The following GCKR variants were observed in gnomAD, a reference collection of about 807,000 sequenced individuals.
GCKR encodes glucokinase regulator, also known as glucokinase regulatory protein.
Under a neutral mutation model 82.9 loss-of-function variants are expected in GCKR, and 73 were observed. That is an observed-to-expected ratio of 0.88 (90% CI 0.73 to 1.07). The LOEUF is 1.07. Among genes scored for constraint, GCKR ranks in the 50% least tolerant of loss-of-function variants. The probability of loss-of-function intolerance (pLI) is 0.00; values close to 1 mark genes in which losing one functional copy is unlikely to be tolerated. For missense variants in GCKR, 784 were observed against 782.1 expected (o/e 1.00, Z -0.03); for synonymous variants, 294 against 291.8 (o/e 1.01, Z -0.08).
intron 17 of GCKR, 41 bp from the exon 18 acceptor site, chr2:27,522,419 T>G (rs1477698848): frequency 1.9e-6 from 3 of 1,610,822 alleles, no homozygotes; most frequent in Admixed American, 3.3e-5. Flanking sequence ...TTAGTTCCTC[T>G]GGCCTTTAGC....
rs1558433651 is a variant in GCKR, at chr2:27,499,398, TG to T, written c.499del (p.Ala167LeufsTer7). The T allele has an allele frequency of 6.2e-7, 1 of 1,610,930 alleles. No homozygotes were observed. Among genetic ancestry groups the T allele is most frequent in the Non-Finnish European group, 8.5e-7 (1 of 1,177,066 alleles). The stretch of plus-strand genomic sequence containing the variant: ...ACCTTGTCCATCCTCCTCTCCTAGG[TG>T]GCTGCCGGGAAGAAGAGAGTGATTG... ...ALHGIEELKK[V>X]AAGKKRVIVI... On this transcript the variant is annotated frameshift_variant and splice_region_variant, in exon 7 of 19. Coordinates refer to ENST00000264717, the MANE Select transcript of GCKR (RefSeq NM_001486.4). LOFTEE classifies it high-confidence loss of function.
At chr2:27,515,857 G>C (rs1316730341) in intron 16 of GCKR, among the ~76,000 whole-genome samples, 2 of 148,586 alleles carry the variant, frequency 1.3e-5, no homozygotes, top group Middle Eastern at 3.6e-3. Flanking sequence ...TCAAACTCCT[G>C]GGCTGAAGCA....
chr2:27,509,531 C>T (rs146426135), intron 16 of GCKR: 17 of 445,000 alleles, frequency 3.8e-5, no homozygotes, highest in East Asian at 2.1e-4. Flanking sequence ...TTGTAGAGAT[C>T]GGGTTTCTCC....
chr2:27,496,928 A>G lies in GCKR; in HGVS notation c.24A>G (p.Gln8=). 1 of 1,613,866 alleles carries G rather than the reference A, an allele frequency of 6.2e-7. No individual in the cohort carries two copies. Among genetic ancestry groups the G allele is most frequent in the African/African-American group, 1.3e-5 (1 of 75,036 alleles). MPGTKRF[Q]HVIETPEPGK... ...CCATGCCAGGCACAAAACGGTTTCA[A>G]CATGTCATTGAGACCCCGGAGCCTG... The change falls in exon 1 of 19, where the codon CAA becomes CAG. Residue 8 remains glutamine (Q), a synonymous_variant. Coordinates refer to ENST00000264717, the MANE Select transcript of GCKR (RefSeq NM_001486.4).
chr2:27,499,064 C>G (rs903590942), intron 5 of GCKR, 78 bp from the exon 6 acceptor site: 2 of 872,768 alleles, frequency 2.3e-6, no homozygotes, highest in African/African-American at 3.3e-5. Flanking sequence ...ATGCGCATCT[C>G]TTAATGTAGC....
rs201837546 is a variant in GCKR, at chr2:27,523,309, C to G, written c.1748C>G (p.Ser583Trp). The change falls in exon 19 of 19, where the codon TCG becomes TGG. Residue 583 changes from serine (S) to tryptophan (W), a missense_variant. Physicochemically the swap from Ser to Trp is radical, Grantham distance 177. Transcript: ENST00000264717. ...IALLSLLFRCSITEAQAHLAA... is the reference protein window; with the variant it reads ...IALLSLLFRCWITEAQAHLAA... ...TTGCTGAGCCTCCTATTCCGGTGCTCGATCACTGAGGCTCAGGCACACCTG... is the reference window on the plus strand; with the variant it reads ...TTGCTGAGCCTCCTATTCCGGTGCTGGATCACTGAGGCTCAGGCACACCTG... The G allele has an allele frequency of 6.2e-7, 1 of 1,613,064 alleles. No homozygotes were observed. The highest frequency in any genetic ancestry group is 1.7e-5 in the Admixed American group (1 of 60,018).
intron 16 of GCKR, among the ~76,000 whole-genome samples, chr2:27,510,078 C>T (rs529395543): frequency 3.8e-4 from 58 of 151,752 alleles, no homozygotes; most frequent in African/African-American, 1.3e-3. Flanking sequence ...GCGCGATCTC[C>T]GCTCACTGCA....
intron 17 of GCKR, among the ~76,000 whole-genome samples, chr2:27,521,114 C>T (rs962028697): frequency 3.3e-5 from 5 of 152,016 alleles, no homozygotes; most frequent in Admixed American, 2.6e-4. Context: ...GCAAAATACA[C>T]ACTGGATTTC....
chr2:27,504,778 T>C (rs553782538), intron 9 of GCKR, among the ~76,000 whole-genome samples: 1 of 152,250 alleles, frequency 6.6e-6, no homozygotes, highest in South Asian at 2.1e-4. Flanking sequence ...GGTATTTGGA[T>C]TGATAAACTA....
intron 16 of GCKR, among the ~76,000 whole-genome samples, chr2:27,515,225 A>G (rs1669974659): frequency 1.3e-5 from 2 of 148,696 alleles, no homozygotes; most frequent in African/African-American, 5.0e-5. Context: ...TGATCTGCCC[A>G]TGTCGGCCTC....
chr2:27,509,481 A>T, intron 16 of GCKR: 1 of 426,016 alleles, frequency 2.3e-6, no homozygotes, highest in Non-Finnish European at 4.8e-6. Flanking sequence ...GTAGGACCAC[A>T]GGCACTCACC....
intron 17 of GCKR, among the ~76,000 whole-genome samples, chr2:27,519,869 C>G (rs1442138446): frequency 1.3e-5 from 2 of 152,056 alleles, no homozygotes; most frequent in Non-Finnish European, 2.9e-5. Flanking sequence ...GGAGGTGAGC[C>G]TCAATCCAAC....
rs777100133 is a variant in GCKR at position 27,497,424 on chromosome 2, C to G, written c.216+25C>G. 7.4e-6 allele frequency: 12 copies of G among 1,613,654 alleles called. No homozygotes were observed. The East Asian group carries it at 2.2e-4, about 30-fold the overall frequency. ...GGTAACCAAGACCCAAGACCTGGAC[C>G]CTGGAAATAAACATGCCAACCCCAA... On this transcript the variant is annotated intron_variant, in intron 2 of 18. Coordinates refer to ENST00000264717, the MANE Select transcript of GCKR (RefSeq NM_001486.4).
intron 17 of GCKR, 26 bp downstream of exon 17, chr2:27,518,963 G>A: frequency 6.5e-7 from 1 of 1,546,656 alleles, no homozygotes; most frequent in Non-Finnish European, 8.9e-7. Flanking sequence ...GGCAGGGTTG[G>A]GTGGGACCTG....
At chr2:27,518,672 G>T in intron 16 of GCKR, 116 bp from the exon 17 acceptor site, 1 of 840,322 alleles carries the variant, frequency 1.2e-6, no homozygotes, top group South Asian at 1.3e-5. Context: ...AATCATGTTT[G>T]CATTTTGGTC....
chr2:27,508,361 C>A, intron 16 of GCKR, 110 bp downstream of exon 16: 1 of 783,298 alleles, frequency 1.3e-6, no homozygotes, highest in Non-Finnish European at 2.3e-6. Flanking sequence ...ACCTCTCTGA[C>A]CCTCACAAAG....
chr2:27,507,640 T>G (rs1286720527), intron 13 of GCKR, 41 bp from the exon 14 acceptor site: 1 of 1,042,658 alleles, frequency 9.6e-7, no homozygotes, highest in Admixed American at 1.7e-5. Flanking sequence ...TGCTTTAGAG[T>G]GTTTTCATGG....
chr2:27,505,552 C>A (rs1237378660), intron 9 of GCKR, among the ~76,000 whole-genome samples, 166 bp from the exon 10 acceptor site: 1 of 152,084 alleles, frequency 6.6e-6, no homozygotes, highest in Admixed American at 6.5e-5. Context: ...GGAGGCCCTT[C>A]CCCTCTTTCT....
intron 16 of GCKR, among the ~76,000 whole-genome samples, chr2:27,510,822 G>A (rs1263376291): frequency 1.3e-5 from 2 of 151,570 alleles, no homozygotes; most frequent in African/African-American, 4.8e-5. Flanking sequence ...TTCTTTGGGG[G>A]GTATTTTTTT....
Sources: allele counts gnomAD v4.1 joint callset (sites outside exome capture counted in the v4.1 genomes callset), GRCh38; gene constraint gnomAD v4.1.1; transcripts MANE v1.5; gene names NCBI Gene and HGNC (gene_info 2026-07-23, HGNC 2026-07-21).